CFAP299: variants seen among roughly 807,000 people sequenced by gnomAD.
The protein encoded by CFAP299 is cilia- and flagella-associated protein 299.
In CFAP299, 21 loss-of-function variants were observed where a neutral mutation model predicts 27.0. That is an observed-to-expected ratio of 0.78 (90% CI 0.55 to 1.12). The LOEUF (loss-of-function observed/expected upper bound fraction) is 1.12, where lower values mean the gene tolerates loss of function less well. Among genes scored for constraint, CFAP299 ranks in the 50% most tolerant of loss-of-function variants. CFAP299 has a pLI of 0.00. For synonymous variants in CFAP299, 104 were observed against 98.1 expected (o/e 1.06, Z -0.36); for missense variants, 310 against 276.6 (o/e 1.12, Z -0.86).
Position 80,685,380 on chromosome 4 carries a change from G to A in CFAP299, c.333+102197G>A, listed in dbSNP as rs899381898. Among the ~76,000 whole-genome samples, 9 of 152,242 alleles carry A rather than the reference G, an allele frequency of 5.9e-5. 1 individual carries two copies. The highest frequency in any genetic ancestry group is 2.0e-4 in the Admixed American group (3 of 15,292). ...GTTTCAAAACAATGCACAGGGAAAT[G>A]TGACCCTGTGCTTGGGAACTGAAAC... On this transcript the variant is annotated intron_variant, in intron 3 of 5. Coordinates refer to ENST00000358105, the MANE Select transcript of CFAP299 (RefSeq NM_152770.3).
At chr4:80,567,751 A>AT (rs1560628774) in intron 2 of CFAP299, among the ~76,000 whole-genome samples, 32 of 150,616 alleles carry the variant, frequency 2.1e-4, no homozygotes, top group African/African-American at 7.0e-4. Flanking sequence ...ATATATATAT[A>AT]AGTACATAAG....
Position 80,583,031 on chromosome 4 carries a change from C to T in CFAP299, c.243-62C>T, listed in dbSNP as rs1736247566. ...ACTTAAAGAAGCATTGTTGTTGGCT[C>T]CAGAGTGTTGGAAACATATTTGTTA... On this transcript the variant is annotated intron_variant, in intron 2 of 5. Transcript: ENST00000358105. 4.8e-6 allele frequency: 5 copies of T among 1,046,260 alleles called. No homozygotes were observed. In the East Asian group the frequency reaches 1.0e-4, roughly 22 times the overall value. 64.8% of individuals were successfully genotyped at this position (1,046,260 alleles called of 1,614,324 possible).
chr4:80,600,687 TTTG>T (rs905142072), intron 3 of CFAP299, among the ~76,000 whole-genome samples: 5 of 152,160 alleles, frequency 3.3e-5, no homozygotes, highest in African/African-American at 7.2e-5. Flanking sequence ...AGGTCAGTTT[TTTG>T]TTGTTGTTGT....
At chr4:80,514,639 T>C (rs1010176316) in intron 2 of CFAP299, among the ~76,000 whole-genome samples, 3 of 152,094 alleles carry the variant, frequency 2.0e-5, no homozygotes, top group Admixed American at 6.6e-5. Flanking sequence ...ATAGCCTCTT[T>C]GTCATTACTA....
chr4:80,501,148 G>A (rs1043897319), intron 2 of CFAP299, among the ~76,000 whole-genome samples: 1 of 151,930 alleles, frequency 6.6e-6, no homozygotes, highest in African/African-American at 2.4e-5. Flanking sequence ...TAGTTTACAA[G>A]GTAACTTGAG....
At chr4:80,462,806 A>G (rs986458712) in intron 2 of CFAP299, among the ~76,000 whole-genome samples, 1 of 152,130 alleles carries the variant, frequency 6.6e-6, no homozygotes, top group Non-Finnish European at 1.5e-5. Flanking sequence ...ACTCAGCAAA[A>G]CTTCTTCCTC....
At chr4:80,921,821 G>A (rs947134533) in intron 4 of CFAP299, among the ~76,000 whole-genome samples, 5 of 151,886 alleles carry the variant, frequency 3.3e-5, no homozygotes, top group South Asian at 2.1e-4. Context: ...GAAGCAAGCC[G>A]ATAAAGGGCC....
At chr4:80,960,572 A>G (rs1738294887) in intron 5 of CFAP299, among the ~76,000 whole-genome samples, 1 of 151,804 alleles carries the variant, frequency 6.6e-6, no homozygotes, top group Non-Finnish European at 1.5e-5. Flanking sequence ...CCACTACTCT[A>G]TATATCCCCA....
intron 4 of CFAP299, among the ~76,000 whole-genome samples, chr4:80,935,479 C>T (rs1029888566): frequency 1.5e-4 from 23 of 151,950 alleles, no homozygotes; most frequent in Admixed American, 8.5e-4. Context: ...GGAAAGTATT[C>T]CCTATTCAAT....
chr4:80,450,888 C>CATGT (rs1553924200), intron 2 of CFAP299, among the ~76,000 whole-genome samples: 4 of 145,600 alleles, frequency 2.7e-5, no homozygotes, highest in African/African-American at 1.0e-4. Context: ...GGATTAATAC[C>CATGT]GTGTGTGTGT....
At chr4:80,943,070 T>C (rs933712242) in intron 4 of CFAP299, among the ~76,000 whole-genome samples, 1 of 152,196 alleles carries the variant, frequency 6.6e-6, no homozygotes, top group Non-Finnish European at 1.5e-5. Context: ...CTTATTAAGT[T>C]GAGGGCCTAA....
At chr4:80,656,126 C>G (rs190982094) in intron 3 of CFAP299, among the ~76,000 whole-genome samples, 1 of 152,068 alleles carries the variant, frequency 6.6e-6, no homozygotes, top group Admixed American at 6.6e-5. Flanking sequence ...TTGCATTGTT[C>G]ATTTTTAAGT....
intron 2 of CFAP299, among the ~76,000 whole-genome samples, chr4:80,448,904 T>C (rs997888884): frequency 3.6e-4 from 55 of 152,296 alleles, no homozygotes; most frequent in Non-Finnish European, 3.7e-4. Flanking sequence ...GAGGTAGTTA[T>C]AGATCTTGGG....
chr4:80,394,790 GT>G (rs1725688174), intron 2 of CFAP299, among the ~76,000 whole-genome samples: 1 of 151,988 alleles, frequency 6.6e-6, no homozygotes, highest in African/African-American at 2.4e-5. Flanking sequence ...TTGTATGTCT[GT>G]TTTTATGCTG....
At chr4:80,756,229 G>A (rs1725231691) in intron 3 of CFAP299, among the ~76,000 whole-genome samples, 1 of 152,004 alleles carries the variant, frequency 6.6e-6, no homozygotes, top group Admixed American at 6.6e-5. Context: ...TAGTTTTTGT[G>A]AAGGATGTAT....
chr4:80,829,535 A>G (rs1730182844), intron 3 of CFAP299, among the ~76,000 whole-genome samples: 1 of 152,082 alleles, frequency 6.6e-6, no homozygotes, highest in Non-Finnish European at 1.5e-5. Context: ...AAAAATATTG[A>G]AAATAGAATT....
At chr4:80,374,126 G>T (rs1165582292) in intron 2 of CFAP299, among the ~76,000 whole-genome samples, 2 of 151,940 alleles carry the variant, frequency 1.3e-5, no homozygotes, top group African/African-American at 2.4e-5. Flanking sequence ...TCATCTTCTG[G>T]GGTCCGTACC....
At chr4:80,629,645 C>T (rs547827999) in intron 3 of CFAP299, among the ~76,000 whole-genome samples, 115 of 151,958 alleles carry the variant, frequency 7.6e-4, no homozygotes, top group African/African-American at 2.6e-3. Context: ...TTTGGGAGGC[C>T]GAGATGGGCG....
At chr4:80,566,629 A>G (rs1271913537) in intron 2 of CFAP299, among the ~76,000 whole-genome samples, 2 of 152,054 alleles carry the variant, frequency 1.3e-5, no homozygotes, top group Non-Finnish European at 2.9e-5. Context: ...CAGAGTAATA[A>G]CTGCTTCCCA....
Sources: gnomAD v4.1 joint callset for allele counts (sites outside exome capture counted in the v4.1 genomes callset) on GRCh38, gnomAD v4.1.1 for gene constraint, MANE v1.5 for transcripts, NCBI Gene and HGNC (gene_info 2026-07-23, HGNC 2026-07-21) for gene names.